PIGX: variants seen among roughly 807,000 people sequenced by gnomAD.
The protein encoded by PIGX is GPI alpha-1,4-mannosyltransferase I, stabilizing subunit.
PIGX carries 24 observed loss-of-function variants against 28.7 expected under a neutral mutation model. The ratio of observed to expected loss-of-function variants is 0.84; its 90% CI spans 0.60 to 1.17. The LOEUF (loss-of-function observed/expected upper bound fraction) is 1.17, where lower values mean the gene tolerates loss of function less well. Ranked by LOEUF, PIGX falls within the 50% of genes most tolerant of loss-of-function variation. The pLI is 0.00. For missense variants in PIGX, 305 were observed against 317.8 expected (o/e 0.96, Z 0.31); for synonymous variants, 127 against 121.0 (o/e 1.05, Z -0.33).
rs1369299845 is a variant in PIGX at position 196,733,732 on chromosome 3, G to A, written c.634-27G>A. The A allele has an allele frequency of 8.3e-6, 13 of 1,570,156 alleles. No homozygotes were observed. The East Asian group carries it at 2.9e-4, about 35-fold the overall frequency. On this transcript the variant is annotated intron_variant, in intron 5 of 5. Coordinates refer to ENST00000392391, the MANE Select transcript of PIGX (RefSeq NM_017861.4). This position sits in a 1 kb window ranked among gnomAD's most constrained non-coding sequence, Gnocchi z 4.3. ...CGGGCCCATGACATGCATTTTCAAT[G>A]TCTAACTTCTCTCTCTCTCTCCATA... is the stretch of plus-strand genomic sequence containing the variant.
At position 196,712,444 on chromosome 3, in the gene PIGX, C is replaced by T. The variant is rs1412519884; in HGVS notation, c.-89C>T. The T allele has an allele frequency of 3.7e-6, 2 of 542,232 alleles. No individual in the cohort carries two copies. The highest frequency in any genetic ancestry group is 2.6e-6 in the Non-Finnish European group (1 of 391,138). The allele number at this position is 542,232 out of a possible 1,614,324, so 33.6% of individuals were successfully genotyped here. On this transcript the variant is annotated 5_prime_UTR_variant, in exon 1 of 6. Coordinates refer to ENST00000392391, the MANE Select transcript of PIGX (RefSeq NM_017861.4). ...GTCCCAGCCGATAAATCTGGGGCAG[C>T]GCGCGGTAGGAGCTGCGGGCGGCCA...
In PIGX at chr3:196,735,123, T is replaced by G. The variant is rs1712955376; in HGVS notation, c.*1221T>G. 6.6e-6 allele frequency: 1 copy of G among 151,334 alleles called. No individual in the cohort carries two copies. The highest frequency in any genetic ancestry group is 1.5e-5 in the Non-Finnish European group (1 of 68,000). 9.4% of individuals were successfully genotyped at this position (151,334 alleles called of 1,614,324 possible). ...TCCTGGCTAACACGGTGAAACCCCA[T>G]CTCTACTAAAAATACAAAAAAATGA... is the stretch of plus-strand genomic sequence containing the variant. On this transcript the variant is annotated 3_prime_UTR_variant, in exon 6 of 6. Transcript: ENST00000392391.
intron 3 of PIGX, among the ~76,000 whole-genome samples, chr3:196,723,477 C>T (rs1202661515): frequency 2.6e-5 from 4 of 152,164 alleles, no homozygotes; most frequent in Non-Finnish European, 5.9e-5. Context: ...AATCTTACCC[C>T]GTAGTTAGAA....
At position 196,728,229 on chromosome 3, in the gene PIGX, A is replaced by G. The variant is rs1474179000; in HGVS notation, c.532+93A>G. ...CTGCTAGGCTGGCTGGCAAGGCCCT[A>G]TGTCTTGACCTAGGTGGTAGTTACA... On this transcript the variant is annotated intron_variant, in intron 4 of 5. Transcript: ENST00000392391. 1.2e-5 allele frequency: 11 copies of G among 933,438 alleles called. No homozygotes were observed. The East Asian group carries it at 2.3e-4, about 20-fold the overall frequency. The allele number at this position is 933,438 out of a possible 1,614,324, so 57.8% of individuals were successfully genotyped here.
chr3:196,723,940 T>C (rs1712421672), intron 3 of PIGX, among the ~76,000 whole-genome samples: 1 of 151,940 alleles, frequency 6.6e-6, no homozygotes, highest in Admixed American at 6.6e-5. Flanking sequence ...AATCAGCAAG[T>C]GTGTTCTCAG....
intron 3 of PIGX, among the ~76,000 whole-genome samples, chr3:196,727,025 AC>A (rs1342340503): frequency 2.0e-5 from 3 of 152,228 alleles, no homozygotes; most frequent in Non-Finnish European, 4.4e-5. Flanking sequence ...CTGAAAAGGA[AC>A]AACATGTAAA....
chr3:196,732,254 A>T (rs1255532233), intron 5 of PIGX, among the ~76,000 whole-genome samples: 2,140 of 23,718 alleles, frequency 0.09, 264 homozygotes, highest in African/African-American at 0.32. Flanking sequence ...ATATATATAT[A>T]TATTTTATTT....
chr3:196,722,585 A>G, intron 3 of PIGX, 29 bp downstream of exon 3: 1 of 1,596,232 alleles, frequency 6.3e-7, no homozygotes, highest in African/African-American at 1.3e-5. Context: ...TTTTTGGGAG[A>G]GAAATTAATT....
chr3:196,729,773 A>G (rs1364643771), intron 4 of PIGX, among the ~76,000 whole-genome samples: 1 of 150,856 alleles, frequency 6.6e-6, no homozygotes, highest in Non-Finnish European at 1.5e-5. Context: ...TGTTTATAAA[A>G]GTTAGTAGCA....
chr3:196,721,901 G>T (rs1168423529), intron 2 of PIGX, among the ~76,000 whole-genome samples: 1 of 152,002 alleles, frequency 6.6e-6, no homozygotes, highest in East Asian at 1.9e-4. Context: ...ACAGGCATGT[G>T]CCACCATGCC....
intron 1 of PIGX, 47 bp downstream of exon 1, chr3:196,712,691 G>C (rs1711876195): frequency 8.6e-7 from 1 of 1,168,768 alleles, no homozygotes; most frequent in East Asian, 3.8e-5. Context: ...AGCGGTCCCG[G>C]CTCCCGGGCC....
At chr3:196,713,042 C>G in intron 1 of PIGX, 1 of 986,766 alleles carries the variant, frequency 1.0e-6, no homozygotes, top group Non-Finnish European at 1.2e-6. Flanking sequence ...CCGTGGCAAA[C>G]TGCTAGTTGT....
Position 196,734,065 on chromosome 3 carries a change from T to C in PIGX, c.*163T>C. ...GGATCATTCTCAGCTAATTCCAAAATGTAGTGCTCTATTGCATGGATCCTT... is the reference window on the plus strand; with the variant it reads ...GGATCATTCTCAGCTAATTCCAAAACGTAGTGCTCTATTGCATGGATCCTT... On this transcript the variant is annotated 3_prime_UTR_variant, in exon 6 of 6. Transcript: ENST00000392391. 1.7e-6 allele frequency: 1 copy of C among 584,504 alleles called. No individual in the cohort carries two copies. Among genetic ancestry groups the C allele is most frequent in the Middle Eastern group, 4.5e-4 (1 of 2,218 alleles). The allele number at this position is 584,504 out of a possible 1,614,324, so 36.2% of individuals were successfully genotyped here.
chr3:196,723,798 G>A (rs759418841), intron 3 of PIGX, among the ~76,000 whole-genome samples: 9 of 151,742 alleles, frequency 5.9e-5, no homozygotes, highest in East Asian at 1.9e-4. Flanking sequence ...ATTTCTAATC[G>A]TGGTTTAGGC....
At chr3:196,716,414 G>A (rs141944747) in intron 1 of PIGX, among the ~76,000 whole-genome samples, 2,269 of 152,246 alleles carry the variant, frequency 0.015, 91 homozygotes, top group Admixed American at 0.09. Context: ...TTAAAATGGA[G>A]ATTTCCTGGC....
intron 5 of PIGX, among the ~76,000 whole-genome samples, chr3:196,732,546 C>A (rs1379233897): frequency 6.6e-6 from 1 of 151,770 alleles, no homozygotes; most frequent in African/African-American, 2.4e-5. Context: ...TCCCAAAGTG[C>A]TGGGATTACA....
rs1490134633 is a variant in PIGX at position 196,735,705 on chromosome 3, A to AT, written c.*1805dup. 1 of 152,196 alleles carries AT rather than the reference A, an allele frequency of 6.6e-6. No individual in the cohort carries two copies. The highest frequency in any genetic ancestry group is 1.5e-5 in the Non-Finnish European group (1 of 68,038). 9.4% of individuals were successfully genotyped at this position (152,196 alleles called of 1,614,324 possible). On this transcript the variant is annotated 3_prime_UTR_variant, in exon 6 of 6. Transcript: ENST00000392391. ...TTAGAAACATTTCTTTCACTATGGGATTAATAATATGACACTGAAATGGAA... is the reference window on the plus strand; with the variant it reads ...TTAGAAACATTTCTTTCACTATGGGATTTAATAATATGACACTGAAATGGAA...
intron 3 of PIGX, among the ~76,000 whole-genome samples, chr3:196,723,440 G>A (rs1712401894): frequency 6.6e-6 from 1 of 152,172 alleles, no homozygotes; most frequent in African/African-American, 2.4e-5. Context: ...TTGTCTAGTT[G>A]TAATGTTGTT....
chr3:196,731,251 C>T (rs1223990769), intron 5 of PIGX, among the ~76,000 whole-genome samples, 159 bp downstream of exon 5: 1 of 151,676 alleles, frequency 6.6e-6, no homozygotes, highest in Non-Finnish European at 1.5e-5. Flanking sequence ...AATCTCGGCT[C>T]ACTGCAGCCT....
Sources: allele counts gnomAD v4.1 joint callset (sites outside exome capture counted in the v4.1 genomes callset), GRCh38; gene constraint gnomAD v4.1.1; non-coding constraint Gnocchi (gnomAD v3.1); transcripts MANE v1.5; gene names NCBI Gene and HGNC (gene_info 2026-07-23, HGNC 2026-07-21).